Variants in ARHGAP15 observed in about 807,000 individuals in gnomAD.
ARHGAP15 encodes the protein Rho GTPase activating protein 15, also known as rho GTPase-activating protein 15.
A neutral mutation model predicts 63.7 loss-of-function variants in ARHGAP15; 51 were observed. The observed-to-expected ratio is 0.80, with a 90% CI of 0.64 to 1.01. The LOEUF (loss-of-function observed/expected upper bound fraction) is 1.01, where lower values mean the gene tolerates loss of function less well. Among genes scored for constraint, ARHGAP15 ranks in the 50% least tolerant of loss-of-function variants. The probability of loss-of-function intolerance (pLI) is 0.00; values close to 1 mark genes in which losing one functional copy is unlikely to be tolerated. For missense variants in ARHGAP15, 560 were observed against 564.6 expected, an observed-to-expected ratio of 0.99 and a Z score of 0.08; for synonymous variants, 191 against 193.8, an observed-to-expected ratio of 0.99 and a Z score of 0.12.
intron 6 of ARHGAP15, among the ~76,000 whole-genome samples, chr2:143,396,310 G>A (rs904730150): frequency 3.9e-5 from 6 of 152,136 alleles, no homozygotes; most frequent in Non-Finnish European, 7.4e-5. Context: ...GAGTAAGAAC[G>A]TTATTAGTAA....
chr2:143,471,224 ATGTGTATG>A (rs1473141119), intron 8 of ARHGAP15, among the ~76,000 whole-genome samples: 3 of 147,378 alleles, frequency 2.0e-5, no homozygotes, highest in Admixed American at 6.7e-5. Flanking sequence ...ATACACACAC[ATGTGTATG>A]TGTATATGTG....
At chr2:143,458,449 C>T (rs1452624054) in intron 8 of ARHGAP15, among the ~76,000 whole-genome samples, 1 of 152,092 alleles carries the variant, frequency 6.6e-6, no homozygotes, top group Non-Finnish European at 1.5e-5. Flanking sequence ...GTTACTGAGA[C>T]CTGCGCAATG....
At chr2:143,340,382 A>G (rs1048711263) in intron 6 of ARHGAP15, among the ~76,000 whole-genome samples, 4 of 152,222 alleles carry the variant, frequency 2.6e-5, no homozygotes, top group African/African-American at 9.6e-5. Flanking sequence ...GAACAAGGTA[A>G]TTTTAACATG....
intron 6 of ARHGAP15, among the ~76,000 whole-genome samples, chr2:143,316,073 C>T (rs967962314): frequency 5.9e-5 from 9 of 151,726 alleles, no homozygotes; most frequent in African/African-American, 2.2e-4. Context: ...GAGACAAGAG[C>T]GAAACTCTGT....
chr2:143,161,556 A>G (rs542033818), intron 2 of ARHGAP15, among the ~76,000 whole-genome samples: 1 of 152,020 alleles, frequency 6.6e-6, no homozygotes, highest in East Asian at 2.0e-4. Flanking sequence ...CGTGCCTCAC[A>G]ATTTCAAGGG....
intron 12 of ARHGAP15, among the ~76,000 whole-genome samples, chr2:143,660,434 C>A (rs1681699081): frequency 6.6e-6 from 1 of 152,078 alleles, no homozygotes. Context: ...GGAAATGTAC[C>A]CTAACAGATT....
intron 12 of ARHGAP15, among the ~76,000 whole-genome samples, chr2:143,692,851 A>G (rs1015295280): frequency 2.6e-5 from 4 of 152,182 alleles, no homozygotes; most frequent in African/African-American, 4.8e-5. Context: ...AAAAAATTAC[A>G]TGGAACCAAA....
intron 11 of ARHGAP15, among the ~76,000 whole-genome samples, chr2:143,586,628 ATACT>A (rs759291089): frequency 2.6e-5 from 4 of 152,182 alleles, no homozygotes; most frequent in Middle Eastern, 3.4e-3. Flanking sequence ...ATCTTTTTGA[ATACT>A]TATAGTTCTT....
chr2:143,134,065 C>G (rs1215159076), intron 1 of ARHGAP15, among the ~76,000 whole-genome samples: 7 of 152,158 alleles, frequency 4.6e-5, no homozygotes, highest in African/African-American at 1.7e-4. Flanking sequence ...TCAAGTTTTT[C>G]TAATTCAATG....
At chr2:143,667,126 T>C (rs1418709601) in intron 12 of ARHGAP15, among the ~76,000 whole-genome samples, 2 of 150,962 alleles carry the variant, frequency 1.3e-5, no homozygotes, top group African/African-American at 4.9e-5. Context: ...CACACGTATG[T>C]TTATTGTGGC....
intron 6 of ARHGAP15, among the ~76,000 whole-genome samples, chr2:143,288,463 A>C (rs1461851469): frequency 2.6e-5 from 4 of 152,150 alleles, no homozygotes; most frequent in Non-Finnish European, 2.9e-5. Flanking sequence ...ATAGTGTTGC[A>C]CAATTTTTTT....
At chr2:143,555,427 G>A (rs868320880) in intron 10 of ARHGAP15, among the ~76,000 whole-genome samples, 1 of 152,158 alleles carries the variant, frequency 6.6e-6, no homozygotes, top group South Asian at 2.1e-4. Flanking sequence ...AGCTAGTCCT[G>A]AGTGCCCAGA....
intron 2 of ARHGAP15, among the ~76,000 whole-genome samples, chr2:143,175,131 A>G (rs1690963182): frequency 6.6e-6 from 1 of 152,132 alleles, no homozygotes; most frequent in Non-Finnish European, 1.5e-5. Context: ...GGGTTAAAAA[A>G]TAGCAAGCCT....
At chr2:143,489,596 G>A (rs1385070215) in intron 9 of ARHGAP15, among the ~76,000 whole-genome samples, 1 of 151,766 alleles carries the variant, frequency 6.6e-6, no homozygotes, top group African/African-American at 2.4e-5. Flanking sequence ...AAAAATACCT[G>A]GCTAGTCACA....
chr2:143,334,610 T>A (rs980255057), intron 6 of ARHGAP15, among the ~76,000 whole-genome samples: 1 of 152,228 alleles, frequency 6.6e-6, no homozygotes, highest in Admixed American at 6.5e-5. Context: ...AAATAATCAA[T>A]GTGATTTTTT....
At chr2:143,134,229 A>T (rs942008215) in intron 1 of ARHGAP15, among the ~76,000 whole-genome samples, 7 of 152,166 alleles carry the variant, frequency 4.6e-5, no homozygotes. Context: ...CAGAAATAAC[A>T]TTTATGAGAC....
intron 13 of ARHGAP15, among the ~76,000 whole-genome samples, chr2:143,756,471 T>C (rs1686580568): frequency 6.6e-6 from 1 of 152,154 alleles, no homozygotes; most frequent in South Asian, 2.1e-4. Flanking sequence ...ACATAATATA[T>C]TTGCTAGCCT....
At chr2:143,638,226 C>T (rs1298977398) in intron 12 of ARHGAP15, among the ~76,000 whole-genome samples, 3 of 143,020 alleles carry the variant, frequency 2.1e-5, no homozygotes, top group African/African-American at 5.0e-5. Context: ...GCACTATTCA[C>T]GATAGCAAAG....
chr2:143,589,738 G>A (rs1697251065), intron 11 of ARHGAP15, among the ~76,000 whole-genome samples: 1 of 152,084 alleles, frequency 6.6e-6, no homozygotes, highest in Non-Finnish European at 1.5e-5. Context: ...TATAAAGATG[G>A]GTAGGATGAG....
Sources: allele counts gnomAD v4.1 joint callset (sites outside exome capture counted in the v4.1 genomes callset), GRCh38; gene constraint gnomAD v4.1.1; transcripts MANE v1.5; gene names NCBI Gene and HGNC (gene_info 2026-07-23, HGNC 2026-07-21).